Variants in SLC12A9 observed in about 807,000 individuals in gnomAD.
The protein encoded by SLC12A9 is CCC-interacting protein 1.
SLC12A9 carries 55 observed loss-of-function variants against 66.0 expected under a neutral mutation model. That is an observed-to-expected ratio of 0.83 (90% CI 0.67 to 1.04). SLC12A9 has a LOEUF of 1.04. SLC12A9 is among the 50% of genes least tolerant of loss of function. The pLI is 0.00. For missense variants in SLC12A9, 1,061 were observed against 1,241.9 expected (o/e 0.85, Z 2.19); for synonymous variants, 577 against 569.0 (o/e 1.01, Z -0.20).
At chr7:100,854,427 A>T in intron 2 of SLC12A9, 49 bp downstream of exon 2, 2 of 1,598,250 alleles carry the variant, frequency 1.3e-6, no homozygotes, top group Non-Finnish European at 1.7e-6. Flanking sequence ...ATGGGAGGAC[A>T]TGATGGGGAG....
At position 100,861,178 on chromosome 7, in the gene SLC12A9, T is replaced by C; in HGVS notation, c.1259T>C (p.Val420Ala). ...GGGAAGCTGAACACACTGGCTGCTG[T>C]GGTCACTGTCTTCTACCTGGTGGCC... Reference protein sequence around the residue: ...LAGKLNTLAAVVTVFYLVAYA... With the variant: ...LAGKLNTLAAAVTVFYLVAYA... Residue 420 changes from valine to alanine, a missense_variant, in exon 10 of 14, where the codon GTG (valine) becomes GCG (alanine). Physicochemically the swap from Val to Ala is moderately conservative, Grantham distance 64. Coordinates refer to ENST00000354161, the MANE Select transcript of SLC12A9 (RefSeq NM_020246.4). This position sits in a 1 kb window ranked among gnomAD's most constrained non-coding sequence, Gnocchi z 5.3. The C allele has an allele frequency of 6.2e-7, 1 of 1,614,230 alleles. No individual in the cohort carries two copies. Among genetic ancestry groups the C allele is most frequent in the Non-Finnish European group, 8.5e-7 (1 of 1,180,030 alleles).
At chr7:100,856,529 T>TA (rs1491125226) in intron 4 of SLC12A9, 12 of 211,374 alleles carry the variant, frequency 5.7e-5, no homozygotes, top group Admixed American at 4.3e-4. Flanking sequence ...TTTTTTTTTT[T>TA]CTTGAGAGAA....
At chr7:100,856,583 C>T (rs564555474) in intron 4 of SLC12A9, 25 of 382,328 alleles carry the variant, frequency 6.5e-5, no homozygotes, top group African/African-American at 4.0e-4. Context: ...GGTACCATCT[C>T]GGCTCAATGC....
intron 12 of SLC12A9, 71 bp from the exon 13 acceptor site, chr7:100,862,610 G>A: frequency 2.5e-6 from 4 of 1,579,322 alleles, no homozygotes; most frequent in Non-Finnish European, 3.5e-6. Context: ...AGGCCCGTCT[G>A]TGATTTGGAC....
intron 1 of SLC12A9, among the ~76,000 whole-genome samples, chr7:100,840,878 TAA>T (rs1488121358): frequency 2.0e-5 from 3 of 150,434 alleles, no homozygotes; most frequent in African/African-American, 7.5e-5. Flanking sequence ...GTTGTCAGTG[TAA>T]ACAAAGCCGT....
chr7:100,865,249 T>G (rs1814997651), intron 13 of SLC12A9: 2 of 1,535,578 alleles, frequency 1.3e-6, no homozygotes, highest in Admixed American at 3.9e-5. Flanking sequence ...TGAGCCACGG[T>G]GCCCTGCCTG....
At chr7:100,850,034 G>A (rs985812684), upstream of SLC12A9, among the ~76,000 whole-genome samples, 19 of 151,626 alleles carry the variant, frequency 1.3e-4, no homozygotes, top group African/African-American at 4.4e-4. Flanking sequence ...CACCACGCCC[G>A]GCTAATTTTT....
rs755991389 is a variant in SLC12A9 at position 100,861,868 on chromosome 7, G to C, written c.1668G>C (p.Lys556Asn). 1 of 1,613,230 alleles carries C rather than the reference G, an allele frequency of 6.2e-7. No individual in the cohort carries two copies. The highest frequency in any genetic ancestry group is 8.5e-7 in the Non-Finnish European group (1 of 1,179,580). ...TGCGGTTGGCCAACCAGCTTAAGAA[G>C]GGGGGGCTGTATGTGCTGGGCCACG... ...PLLRLANQLK[K>N]GGLYVLGHVT... The change falls in exon 12 of 14, where the codon AAG (lysine) becomes AAC (asparagine). Residue 556 changes from lysine (K) to asparagine (N), a missense_variant. Lys to Asn is a moderately conservative substitution (Grantham distance 94). Transcript: ENST00000354161. This position sits in a 1 kb window ranked among gnomAD's most constrained non-coding sequence, Gnocchi z 5.3.
intron 1 of SLC12A9, among the ~76,000 whole-genome samples, chr7:100,829,741 T>A (rs964237423): frequency 6.6e-6 from 1 of 152,314 alleles, no homozygotes; most frequent in East Asian, 1.9e-4. Flanking sequence ...AAAAGTTATG[T>A]CTTCTGGCTG....
intron 9 of SLC12A9, 119 bp downstream of exon 9, chr7:100,860,351 C>T (rs1261444677): frequency 4.9e-6 from 5 of 1,013,304 alleles, no homozygotes; most frequent in Middle Eastern, 2.4e-4. Flanking sequence ...CTTGGGGTTG[C>T]ACTGGCACTC....
chr7:100,855,924 G>T, intron 4 of SLC12A9, 87 bp downstream of exon 4: 1 of 1,504,216 alleles, frequency 6.6e-7, no homozygotes, highest in South Asian at 1.3e-5. Flanking sequence ...CTCTCCAGCA[G>T]AGGGGCAGAC....
Position 100,846,293 on chromosome 7 carries a change from G to A in SLC12A9, n.229-13592G>A, listed in dbSNP as rs753667375. Reference sequence around the variant, plus strand: ...TAAAAAGCTTCATTGCAGGCCGGGCGCGGTGGCTCACGCCTGTAATCCCAG... The same window carrying A: ...TAAAAAGCTTCATTGCAGGCCGGGCACGGTGGCTCACGCCTGTAATCCCAG... On this transcript the variant is annotated intron_variant and non_coding_transcript_variant, in intron 1 of 1. Coordinates refer to the SLC12A9 transcript ENST00000461016. Among the ~76,000 whole-genome samples the A allele has an allele frequency of 7.1e-4, 108 of 152,212 alleles. 1 individual carries two copies. The highest frequency in any genetic ancestry group is 1.2e-3 in the Non-Finnish European group (84 of 68,034).
At chr7:100,859,399 A>G in intron 7 of SLC12A9, 1 of 550,618 alleles carries the variant, frequency 1.8e-6, no homozygotes, top group South Asian at 2.0e-5. Context: ...TTCCACAAAT[A>G]TTTGGCCTCT....
intron 1 of SLC12A9, among the ~76,000 whole-genome samples, chr7:100,831,187 A>C (rs1357936884): frequency 5.9e-5 from 9 of 151,884 alleles, no homozygotes; most frequent in Non-Finnish European, 1.3e-4. Flanking sequence ...TTTGTATTTT[A>C]TTTTATTTTA....
rs775842074 is a variant in SLC12A9, at chr7:100,855,807, G to T, written c.418G>T (p.Val140Leu). Residue 140 changes from valine to leucine, a missense_variant, in exon 4 of 14, where the codon GTG becomes TTG. Transcript: ENST00000354161. ...CTGTGCCGTCTCCCTCCTGGGGCTG[G>T]TGGAGTCTGTGCTTGATGTCTTCGG... is the stretch of plus-strand genomic sequence containing the variant. ...CGCAVSLLGL[V>L]ESVLDVFGAD... The T allele has an allele frequency of 6.2e-7, 1 of 1,612,834 alleles. No homozygotes were observed. Among genetic ancestry groups the T allele is most frequent in the South Asian group, 1.1e-5 (1 of 90,886 alleles).
At chr7:100,851,648 C>T, upstream of SLC12A9, among the ~76,000 whole-genome samples, 1 of 3,416 alleles carries the variant, frequency 2.9e-4, no homozygotes, top group South Asian at 0.12. Context: ...TAAAAATTAG[C>T]CAGGCGTGGT....
chr7:100,830,206 G>C (rs940157356), intron 1 of SLC12A9, among the ~76,000 whole-genome samples: 1 of 151,860 alleles, frequency 6.6e-6, no homozygotes, highest in Admixed American at 6.6e-5. Flanking sequence ...ACAAAACTTA[G>C]CCAGGTGTGG....
At chr7:100,858,812 C>G in intron 5 of SLC12A9, 23 bp from the exon 6 acceptor site, 2 of 1,612,564 alleles carry the variant, frequency 1.2e-6, no homozygotes, top group Non-Finnish European at 1.7e-6. Context: ...GATGCACTCT[C>G]CTCCCTGGGA....
Position 100,861,756 on chromosome 7 carries a change from G to A in SLC12A9, c.1556G>A (p.Arg519Gln). ...LFHQVRKYLL[R>Q]LDVRKDHVKF... Reference sequence around the variant, plus strand: ...ACCCAGGTGCGTAAGTATCTGCTTCGGCTGGACGTCCGGAAGGATCACGTG... The same window carrying A: ...ACCCAGGTGCGTAAGTATCTGCTTCAGCTGGACGTCCGGAAGGATCACGTG... Residue 519 changes from arginine (R) to glutamine (Q), a missense_variant, in exon 12 of 14, where the codon CGG becomes CAG. Physicochemically the swap from Arg to Gln is conservative, Grantham distance 43 (BLOSUM62 1). Coordinates refer to ENST00000354161, the MANE Select transcript of SLC12A9 (RefSeq NM_020246.4). This position sits in a 1 kb window ranked among gnomAD's most constrained non-coding sequence, Gnocchi z 5.3. 1 of 1,614,078 alleles carries A rather than the reference G, an allele frequency of 6.2e-7. No homozygotes were observed. Among genetic ancestry groups the A allele is most frequent in the Non-Finnish European group, 8.5e-7 (1 of 1,180,006 alleles).
Sources: gnomAD v4.1 joint callset for allele counts (sites outside exome capture counted in the v4.1 genomes callset) on GRCh38, gnomAD v4.1.1 for gene constraint, Gnocchi (gnomAD v3.1) non-coding constraint, MANE v1.5 for transcripts, NCBI Gene and HGNC (gene_info 2026-07-23, HGNC 2026-07-21) for gene names.